SYT17: variants seen among roughly 807,000 people sequenced by gnomAD.
SYT17 encodes synaptotagmin 17.
SYT17 carries 22 observed loss-of-function variants against 46.7 expected under a neutral mutation model. The observed-to-expected ratio is 0.47, with a 90% CI of 0.34 to 0.67. The LOEUF (loss-of-function observed/expected upper bound fraction) is 0.67. Ranked by LOEUF, SYT17 falls within the 30% of genes least tolerant of loss-of-function variation. The pLI is 0.01. For missense variants in SYT17, 519 were observed against 612.8 expected (o/e 0.85, Z 1.62); for synonymous variants, 251 against 248.4 (o/e 1.01, Z -0.10).
intron 7 of SYT17, among the ~76,000 whole-genome samples, chr16:19,229,349 G>A (rs111685563): frequency 1.4e-4 from 22 of 152,230 alleles, no homozygotes; most frequent in African/African-American, 5.1e-4. Flanking sequence ...CTCAGGAAAC[G>A]TACAATCATG....
At position 19,173,478 on chromosome 16, in the gene SYT17, C is replaced by T. The variant is rs371152742; in HGVS notation, c.82C>T (p.Arg28Trp). The change falls in exon 3 of 8, where the codon CGG becomes TGG. Residue 28 changes from arginine (R) to tryptophan (W), a missense_variant. Coordinates refer to ENST00000355377, the MANE Select transcript of SYT17 (RefSeq NM_016524.4). The stretch of plus-strand genomic sequence containing the variant: ...TCTGCTGCTGTGCAGATGGACCTGC[C>T]GGCACTGCTGTCAGAAGTGCTACGA... The part of the protein sequence containing the change: ...SGLLLCRWTC[R>W]HCCQKCYESS... 31 of 1,612,942 alleles carry T rather than the reference C, an allele frequency of 1.9e-5. No individual in the cohort carries two copies. In the African/African-American group the frequency reaches 2.8e-4, roughly 15 times the overall value.
At chr16:19,246,306 G>T (rs1597017558) in intron 7 of SYT17, among the ~76,000 whole-genome samples, 2 of 152,016 alleles carry the variant, frequency 1.3e-5, no homozygotes, top group East Asian at 3.9e-4. Context: ...ATTTATATGT[G>T]TATATTGTAT....
intron 5 of SYT17, among the ~76,000 whole-genome samples, chr16:19,203,160 C>T (rs775111363): frequency 6.6e-6 from 1 of 152,126 alleles, no homozygotes; most frequent in Non-Finnish European, 1.5e-5. Flanking sequence ...CAGTAACTCT[C>T]CCATAGGGTT....
At chr16:19,266,118 T>C (rs764264067) in intron 7 of SYT17, among the ~76,000 whole-genome samples, 18 of 152,186 alleles carry the variant, frequency 1.2e-4, no homozygotes, top group Non-Finnish European at 2.1e-4. Context: ...AAAATTCCTG[T>C]TTAACTAATA....
At position 19,168,469 on chromosome 16, in the gene SYT17, G is replaced by A; in HGVS notation, c.-178G>A. 1.2e-6 allele frequency: 1 copy of A among 823,210 alleles called. No individual in the cohort carries two copies. The allele number at this position is 823,210 out of a possible 1,614,324, so 51.0% of individuals were successfully genotyped here. On this transcript the variant is annotated 5_prime_UTR_variant, in exon 1 of 8. Coordinates refer to ENST00000355377, the MANE Select transcript of SYT17 (RefSeq NM_016524.4). This position sits in a 1 kb window ranked among gnomAD's most constrained non-coding sequence, Gnocchi z 6.9. The stretch of plus-strand genomic sequence containing the variant: ...GAGCCGGAACGCAGGGAAAGGCAAG[G>A]ACGGGGCGGCCGGCGGAGGGGCGGG...
intron 5 of SYT17, among the ~76,000 whole-genome samples, chr16:19,184,710 C>T (rs1387989742): frequency 6.6e-6 from 1 of 152,116 alleles, no homozygotes; most frequent in East Asian, 1.9e-4. Flanking sequence ...ATTCCTGTAA[C>T]CACCACCACT....
intron 2 of SYT17, 36 bp from the exon 3 acceptor site, chr16:19,173,394 C>T (rs753048769): frequency 1.8e-6 from 1 of 558,454 alleles, no homozygotes; most frequent in East Asian, 3.7e-5. Flanking sequence ...CTCCCCTCTC[C>T]CCCATCCCCC....
At chr16:19,174,419 A>G (rs1037070011) in intron 3 of SYT17, among the ~76,000 whole-genome samples, 1 of 152,120 alleles carries the variant, frequency 6.6e-6, no homozygotes, top group Non-Finnish European at 1.5e-5. Context: ...AGAGAGGGAG[A>G]CAGACAGCGG....
chr16:19,179,240 G>A (rs1193622638), intron 3 of SYT17, among the ~76,000 whole-genome samples: 3 of 152,022 alleles, frequency 2.0e-5, no homozygotes, highest in Admixed American at 6.6e-5. Flanking sequence ...CAGTCCTCCC[G>A]CCTTAGCCTC....
At chr16:19,233,986 A>G (rs1254381739) in intron 7 of SYT17, among the ~76,000 whole-genome samples, 2 of 152,152 alleles carry the variant, frequency 1.3e-5, no homozygotes, top group Admixed American at 1.3e-4. Context: ...TTGCATGGCT[A>G]TTCAGAGTAT....
chr16:19,173,978 G>T (rs1428906365), intron 3 of SYT17, among the ~76,000 whole-genome samples: 2 of 152,192 alleles, frequency 1.3e-5, no homozygotes, highest in African/African-American at 4.8e-5. Flanking sequence ...AGCGTGACAA[G>T]ATTCCCTAGC....
In SYT17 at chr16:19,267,077, G is replaced by A. The variant is rs998147969; in HGVS notation, c.*1G>A. The A allele has an allele frequency of 2.5e-6, 4 of 1,582,524 alleles. No homozygotes were observed. The African/African-American group carries it at 4.1e-5, about 16-fold the overall frequency. ...TCCTGCCTCCCTGGAGGTGACCTGA[G>A]GGCTGCAGGGAAGGCAGCTTTCATT... On this transcript the variant is annotated 3_prime_UTR_variant, in exon 8 of 8. Transcript: ENST00000355377.
chr16:19,260,006 G>A (rs909440597), intron 7 of SYT17, among the ~76,000 whole-genome samples: 5 of 152,120 alleles, frequency 3.3e-5, no homozygotes, highest in Admixed American at 6.6e-5. Context: ...AGGGACTGGG[G>A]AGTGTGTGGG....
At chr16:19,221,771 A>C (rs1966327234) in intron 5 of SYT17, among the ~76,000 whole-genome samples, 1 of 152,246 alleles carries the variant, frequency 6.6e-6, no homozygotes, top group South Asian at 2.1e-4. Context: ...GATAATAGAC[A>C]TAGATAAATA....
intron 5 of SYT17, among the ~76,000 whole-genome samples, chr16:19,187,350 C>G (rs1290015529): frequency 1.3e-5 from 2 of 152,104 alleles, no homozygotes; most frequent in African/African-American, 4.8e-5. Context: ...TGCCAAGACT[C>G]GTTTCATTAA....
chr16:19,204,766 GC>G (rs983037633), intron 5 of SYT17, among the ~76,000 whole-genome samples: 4 of 152,126 alleles, frequency 2.6e-5, no homozygotes, highest in Admixed American at 2.6e-4. Context: ...GTATTTACAA[GC>G]ACCCTCAGTG....
At chr16:19,186,127 C>T (rs978385515) in intron 5 of SYT17, among the ~76,000 whole-genome samples, 1 of 152,166 alleles carries the variant, frequency 6.6e-6, no homozygotes, top group Non-Finnish European at 1.5e-5. Flanking sequence ...GATAGAGCTG[C>T]AGGCCGTGCC....
chr16:19,201,566 C>T (rs368420868), intron 5 of SYT17, among the ~76,000 whole-genome samples: 6 of 151,604 alleles, frequency 4.0e-5, no homozygotes, highest in African/African-American at 1.5e-4. Context: ...TTCTGTGGCC[C>T]CCCAAAACCA....
At chr16:19,260,588 T>C (rs1206572336) in intron 7 of SYT17, among the ~76,000 whole-genome samples, 1 of 151,704 alleles carries the variant, frequency 6.6e-6, no homozygotes, top group Non-Finnish European at 1.5e-5. Context: ...ATGTTAATGT[T>C]GGCATGTCTG....
Sources: allele counts gnomAD v4.1 joint callset (sites outside exome capture counted in the v4.1 genomes callset), GRCh38; gene constraint gnomAD v4.1.1; non-coding constraint Gnocchi (gnomAD v3.1); transcripts MANE v1.5; gene names NCBI Gene and HGNC (gene_info 2026-07-23, HGNC 2026-07-21).